SCAF8: variants seen among roughly 807,000 people sequenced by gnomAD.
SCAF8 encodes SR-related CTD associated factor 8, also known as SR-related and CTD-associated factor 8.
Under a neutral mutation model 140.5 loss-of-function variants are expected in SCAF8, and 23 were observed. That is an observed-to-expected ratio of 0.16 (90% confidence interval 0.12 to 0.23). SCAF8 has a LOEUF of 0.23. SCAF8 is among the 10% of genes least tolerant of loss of function. SCAF8 has a pLI of 1.00. For synonymous variants in SCAF8, 575 were observed against 528.9 expected (o/e 1.09, Z -1.20); for missense variants, 1,397 against 1,555.7 (o/e 0.90, Z 1.72).
intron 13 of SCAF8, among the ~76,000 whole-genome samples, chr6:154,816,402 TCTC>T (rs1198656558): frequency 6.6e-6 from 1 of 152,228 alleles, no homozygotes; most frequent in Non-Finnish European, 1.5e-5. Flanking sequence ...CACCACTCAG[TCTC>T]CTCCTTTGAG....
At chr6:154,822,231 A>G in intron 15 of SCAF8, 45 bp from the exon 16 acceptor site, 1 of 1,565,966 alleles carries the variant, frequency 6.4e-7, no homozygotes, top group Non-Finnish European at 8.6e-7. Context: ...GAAAATGAAA[A>G]GTTGCACCTA....
chr6:154,821,316 C>T (rs1778415977), intron 15 of SCAF8, among the ~76,000 whole-genome samples: 1 of 151,968 alleles, frequency 6.6e-6, no homozygotes, highest in Non-Finnish European at 1.5e-5. Flanking sequence ...TGAAACATAG[C>T]CATGCTCACT....
chr6:154,784,143 ATATATATATATATATT>A lies in SCAF8; in HGVS notation c.160-3714_160-3699del, dbSNP rs1282602582. ...GAGATATATATATATATATATATAT[ATATATATATATATATT>A]TATTTATTTATTTTTCATGTAGGGT... On this transcript the variant is annotated intron_variant, in intron 3 of 19. Coordinates refer to ENST00000367178, the MANE Select transcript of SCAF8 (RefSeq NM_014892.5). 5.9e-5 allele frequency among the ~76,000 whole-genome samples: 5 copies of A among 84,768 alleles called. 1 individual carries two copies. The highest frequency in any genetic ancestry group is 1.1e-4 in the African/African-American group (2 of 17,438). The allele number at this position is 84,768 out of a possible 152,430, so 55.6% of individuals were successfully genotyped here. A position where few individuals can be genotyped will look rare whatever the true frequency, so the allele number is the denominator to read the frequency against.
rs941834858 is a variant in SCAF8 at position 154,799,518 on chromosome 6, A to G, written c.607-2453A>G. Among the ~76,000 whole-genome samples, 3 of 151,278 alleles carry G rather than the reference A, an allele frequency of 2.0e-5. No individual in the cohort carries two copies. The East Asian group carries it at 5.8e-4, about 29-fold the overall frequency. ...CTATCACCAGTTCATAGACTTCTCT[A>G]ACTAATGATAAGACTTGCTTATGTT... On this transcript the variant is annotated intron_variant, in intron 6 of 19. Coordinates refer to ENST00000367178, the MANE Select transcript of SCAF8 (RefSeq NM_014892.5).
At chr6:154,746,451 C>T (rs566672012) in intron 1 of SCAF8, among the ~76,000 whole-genome samples, 33 of 152,144 alleles carry the variant, frequency 2.2e-4, no homozygotes, top group South Asian at 8.3e-4. Context: ...GTTTTGTATC[C>T]GTTTATCTAA....
In SCAF8 at chr6:154,794,780, GGTGTGTGT is replaced by G. The variant is rs1183671310; in HGVS notation, c.476-186_476-179del. On this transcript the variant is annotated intron_variant, in intron 5 of 19. Coordinates refer to ENST00000367178, the MANE Select transcript of SCAF8 (RefSeq NM_014892.5). The stretch of plus-strand genomic sequence containing the variant: ...TTGGTGGGGGGGGGGGGGTGTGGGG[GGTGTGTGT>G]GTGTGTGTGTGTGTGTGTGTGTGTG... 9.7e-3 allele frequency among the ~76,000 whole-genome samples: 122 copies of G among 12,526 alleles called. 8 individuals are homozygous for G. Among genetic ancestry groups the G allele is most frequent in the South Asian group, 0.039 (9 of 228 alleles). 8.2% of individuals were successfully genotyped at this position (12,526 alleles called of 152,430 possible).
chr6:154,776,315 A>G (rs1776916469), intron 2 of SCAF8, among the ~76,000 whole-genome samples: 1 of 123,950 alleles, frequency 8.1e-6, no homozygotes, highest in South Asian at 2.8e-4. Flanking sequence ...ATATATGTAT[A>G]TATATAAACA....
chr6:154,746,119 C>T lies in SCAF8; in HGVS notation c.30+12189C>T, dbSNP rs375480800. 3.9e-5 allele frequency among the ~76,000 whole-genome samples: 6 copies of T among 152,288 alleles called. No homozygotes were observed. The East Asian group carries it at 1.2e-3, about 29-fold the overall frequency. On this transcript the variant is annotated intron_variant, in intron 1 of 19. Coordinates refer to ENST00000367178, the MANE Select transcript of SCAF8 (RefSeq NM_014892.5). ...CAGGCTGGTCTTGAACTCCTGGCCT[C>T]AAGTGATCCATCTGCCTTGGCCTCC...
At chr6:154,754,035 C>A (rs1254177244) in intron 1 of SCAF8, among the ~76,000 whole-genome samples, 1 of 152,066 alleles carries the variant, frequency 6.6e-6, no homozygotes, top group Non-Finnish European at 1.5e-5. Flanking sequence ...TTCTCCAAAC[C>A]CAAACAGTAT....
At chr6:154,830,575 T>G (rs1308996443) in intron 18 of SCAF8, among the ~76,000 whole-genome samples, 3 of 152,258 alleles carry the variant, frequency 2.0e-5, no homozygotes, top group Non-Finnish European at 4.4e-5. Flanking sequence ...CTCATACATT[T>G]CAGTCTGCAC....
chr6:154,776,193 G>T (rs1776910519), intron 2 of SCAF8, among the ~76,000 whole-genome samples: 1 of 151,510 alleles, frequency 6.6e-6, no homozygotes, highest in Non-Finnish European at 1.5e-5. Flanking sequence ...TATTTGTCCT[G>T]TCACCCAGCA....
intron 14 of SCAF8, among the ~76,000 whole-genome samples, chr6:154,818,806 A>G (rs577625616): frequency 6.6e-6 from 1 of 152,280 alleles, no homozygotes; most frequent in Admixed American, 6.5e-5. Flanking sequence ...ATGTAGGTAA[A>G]AATAAGTCCA....
intron 1 of SCAF8, among the ~76,000 whole-genome samples, chr6:154,760,318 C>G (rs1396039486): frequency 6.6e-6 from 1 of 151,972 alleles, no homozygotes; most frequent in Non-Finnish European, 1.5e-5. Flanking sequence ...AAAATTCTGG[C>G]TCATTTTCTT....
intron 17 of SCAF8, among the ~76,000 whole-genome samples, chr6:154,825,568 G>A (rs1778541596): frequency 6.7e-6 from 1 of 149,764 alleles, no homozygotes; most frequent in Non-Finnish European, 1.5e-5. Flanking sequence ...AGCTACTCAG[G>A]AGGCTTGAGC....
intron 15 of SCAF8, 180 bp from the exon 16 acceptor site, chr6:154,822,096 C>T (rs1472275810): frequency 2.1e-6 from 1 of 484,936 alleles, no homozygotes; most frequent in Admixed American, 3.6e-5. Flanking sequence ...TTTTTGAACT[C>T]CATAGTATCC....
At chr6:154,796,715 G>A (rs1777619001) in intron 6 of SCAF8, among the ~76,000 whole-genome samples, 1 of 152,136 alleles carries the variant, frequency 6.6e-6, no homozygotes, top group African/African-American at 2.4e-5. Context: ...GCTCACACTT[G>A]TAATCCCAGT....
intron 3 of SCAF8, among the ~76,000 whole-genome samples, chr6:154,785,129 C>T (rs949279268): frequency 6.6e-6 from 1 of 152,128 alleles, no homozygotes; most frequent in African/African-American, 2.4e-5. Flanking sequence ...ATACAGTTCT[C>T]CTACTCAACA....
intron 1 of SCAF8, among the ~76,000 whole-genome samples, chr6:154,766,884 T>A (rs1213802080): frequency 1.3e-5 from 2 of 152,266 alleles, no homozygotes; most frequent in East Asian, 3.9e-4. Flanking sequence ...ATTGGGGTTC[T>A]CTTCCACAGC....
chr6:154,739,429 C>G (rs1018279245), intron 1 of SCAF8, among the ~76,000 whole-genome samples: 2 of 152,014 alleles, frequency 1.3e-5, no homozygotes, highest in African/African-American at 4.8e-5. Context: ...TTTTTCAGGT[C>G]CTTTGTATAG....
Sources: allele counts gnomAD v4.1 joint callset (sites outside exome capture counted in the v4.1 genomes callset), GRCh38; gene constraint gnomAD v4.1.1; transcripts MANE v1.5; gene names NCBI Gene and HGNC (gene_info 2026-07-23, HGNC 2026-07-21).